The following EBF3 variants were observed in gnomAD, a reference collection of about 807,000 sequenced individuals.
EBF3 encodes EBF transcription factor 3.
EBF3 carries 18 observed loss-of-function variants against 77.1 expected under a neutral mutation model. The ratio of observed to expected loss-of-function variants is 0.23; its 90% CI spans 0.16 to 0.35. The LOEUF is 0.35. EBF3 is among the 10% of genes least tolerant of loss of function. The pLI is 1.00. For missense variants in EBF3, 558 were observed against 860.0 expected, an observed-to-expected ratio of 0.65 and a Z score of 4.39; for synonymous variants, 350 against 343.5, an observed-to-expected ratio of 1.02 and a Z score of -0.21.
intron 6 of EBF3, among the ~76,000 whole-genome samples, chr10:129,941,911 C>G (rs1857772293): frequency 6.6e-6 from 1 of 152,238 alleles, no homozygotes; most frequent in South Asian, 2.1e-4. Context: ...AGATCCCAAT[C>G]CAGACCCACA....
At chr10:129,891,232 C>G (rs1204432730) in intron 6 of EBF3, among the ~76,000 whole-genome samples, 2 of 152,128 alleles carry the variant, frequency 1.3e-5, no homozygotes, top group African/African-American at 4.8e-5. Flanking sequence ...AGCAAATTTT[C>G]TCTGTGTTAA....
intron 7 of EBF3, among the ~76,000 whole-genome samples, chr10:129,875,802 G>A (rs561963034): frequency 6.6e-5 from 10 of 152,314 alleles, no homozygotes; most frequent in African/African-American, 1.9e-4. Flanking sequence ...TTGGTACCAC[G>A]AGTGGGCCTG....
chr10:129,937,875 C>T (rs1194914616), intron 6 of EBF3, among the ~76,000 whole-genome samples: 1 of 152,194 alleles, frequency 6.6e-6, no homozygotes, highest in Non-Finnish European at 1.5e-5. Flanking sequence ...ACATTCCATC[C>T]CAGCATCTTA....
rs933415661 is a variant in EBF3, at chr10:129,867,329, C to G, written c.913-62G>C. On this transcript the variant is annotated intron_variant, in intron 9 of 16. Transcript: ENST00000440978. ...GCTGGCTATGAGAGGCGGACACTTG[C>G]CAGTTGGATATAATTACCAAAATGA... 1.9e-5 allele frequency: 30 copies of G among 1,598,858 alleles called. No individual in the cohort carries two copies. In the African/African-American group the frequency reaches 3.2e-4, roughly 17 times the overall value.
intron 3 of EBF3, among the ~76,000 whole-genome samples, chr10:129,962,621 T>C (rs893595428): frequency 1.3e-5 from 2 of 151,682 alleles, no homozygotes; most frequent in Non-Finnish European, 2.9e-5. Flanking sequence ...TCACAGGAAG[T>C]AAGTTATGCT....
intron 8 of EBF3, among the ~76,000 whole-genome samples, chr10:129,871,263 G>A (rs1245991098): frequency 6.6e-6 from 1 of 151,696 alleles, no homozygotes; most frequent in Non-Finnish European, 1.5e-5. Context: ...AAAAATTAAA[G>A]CCTGAGTTCT....
intron 6 of EBF3, among the ~76,000 whole-genome samples, chr10:129,926,311 C>A (rs1444663328): frequency 6.6e-6 from 1 of 152,194 alleles, no homozygotes; most frequent in Non-Finnish European, 1.5e-5. Flanking sequence ...GGGAGTCCCC[C>A]TTCCTGAGAC....
intron 6 of EBF3, among the ~76,000 whole-genome samples, chr10:129,942,496 G>A (rs555937692): frequency 6.6e-6 from 1 of 152,218 alleles, no homozygotes; most frequent in Non-Finnish European, 1.5e-5. Context: ...TCCTGCAAGA[G>A]CGTCCCACAC....
intron 10 of EBF3, among the ~76,000 whole-genome samples, chr10:129,851,443 G>A (rs1186571044): frequency 6.6e-6 from 1 of 152,190 alleles, no homozygotes; most frequent in African/African-American, 2.4e-5. Context: ...AGCATGCTTA[G>A]TCTCCGAACA....
intron 6 of EBF3, among the ~76,000 whole-genome samples, chr10:129,908,053 G>C (rs1323671635): frequency 1.3e-5 from 2 of 152,148 alleles, no homozygotes; most frequent in Admixed American, 6.5e-5. Flanking sequence ...CCTCTGATAT[G>C]TTACCTTGTT....
Position 129,938,544 on chromosome 10 carries a change from C to G in EBF3, c.554+18714G>C, listed in dbSNP as rs1857515337. 6.6e-6 allele frequency among the ~76,000 whole-genome samples: 1 copy of G among 151,918 alleles called. No homozygotes were observed. Among genetic ancestry groups the G allele is most frequent in the Non-Finnish European group, 1.5e-5 (1 of 67,998 alleles). On this transcript the variant is annotated intron_variant, in intron 6 of 16. Transcript: ENST00000440978. The surrounding 1 kb of genome is among the most constrained non-coding windows in gnomAD (Gnocchi z 5.1). The stretch of plus-strand genomic sequence containing the variant: ...CCCAGCCTGGGTGGCAGAGTGAGAC[C>G]CTGTCTCGAAAATAAAATAAATAAA...
chr10:129,852,070 G>A (rs1053782602), intron 10 of EBF3, among the ~76,000 whole-genome samples: 1 of 152,152 alleles, frequency 6.6e-6, no homozygotes, highest in Non-Finnish European at 1.5e-5. Flanking sequence ...AAGCAGTCGG[G>A]CAGCCTGTGA....
intron 7 of EBF3, among the ~76,000 whole-genome samples, chr10:129,875,548 G>A (rs906259292): frequency 6.6e-6 from 1 of 152,170 alleles, no homozygotes; most frequent in African/African-American, 2.4e-5. Flanking sequence ...CAGCAGGGGC[G>A]GTACACACGC....
At chr10:129,899,004 G>A (rs1485450776) in intron 6 of EBF3, among the ~76,000 whole-genome samples, 1 of 152,134 alleles carries the variant, frequency 6.6e-6, no homozygotes, top group Non-Finnish European at 1.5e-5. Context: ...TTTTCCACAC[G>A]GCTACACGTC....
intron 10 of EBF3, among the ~76,000 whole-genome samples, chr10:129,850,361 T>C (rs1405451299): frequency 6.6e-6 from 1 of 152,250 alleles, no homozygotes; most frequent in South Asian, 2.1e-4. Flanking sequence ...CGCTTTCCAA[T>C]GTTTCAGTTG....
chr10:129,919,583 C>A (rs1025947866), intron 6 of EBF3, among the ~76,000 whole-genome samples: 4 of 152,098 alleles, frequency 2.6e-5, no homozygotes, highest in African/African-American at 4.8e-5. Flanking sequence ...CACAGCCCTG[C>A]CCCAGGCGTT....
intron 14 of EBF3, 46 bp from the exon 15 acceptor site, chr10:129,840,488 G>A (rs376727104): frequency 3.1e-5 from 47 of 1,532,370 alleles, no homozygotes; most frequent in African/African-American, 4.1e-5. Flanking sequence ...GCGGCACAGC[G>A]CCACGGCGAG....
intron 6 of EBF3, among the ~76,000 whole-genome samples, chr10:129,911,707 G>A (rs1053874715): frequency 6.6e-6 from 1 of 152,148 alleles, no homozygotes; most frequent in Admixed American, 6.5e-5. Context: ...GTATGCCAAA[G>A]CACTGCTATG....
Position 129,889,861 on chromosome 10 carries a change from G to A in EBF3, c.555-12012C>T, listed in dbSNP as rs527342116. On this transcript the variant is annotated intron_variant, in intron 6 of 16. Transcript: ENST00000440978. ...CTCAGGACATGCAGAGGCAGCCCCC[G>A]ACCACTTTTACTACCCTGTAACTCA... 3.7e-5 allele frequency among the ~76,000 whole-genome samples: 5 copies of A among 136,846 alleles called. No individual in the cohort carries two copies. The East Asian group carries it at 7.2e-4, about 20-fold the overall frequency. 89.8% of individuals were successfully genotyped at this position (136,846 alleles called of 152,430 possible). A position where few individuals can be genotyped will look rare whatever the true frequency, so the allele number is the denominator to read the frequency against.
Sources: gnomAD v4.1 joint callset for allele counts (sites outside exome capture counted in the v4.1 genomes callset) on GRCh38, gnomAD v4.1.1 for gene constraint, Gnocchi (gnomAD v3.1) non-coding constraint, MANE v1.5 for transcripts, NCBI Gene and HGNC (gene_info 2026-07-23, HGNC 2026-07-21) for gene names.